NINJ2: variants seen among roughly 807,000 people sequenced by gnomAD.
The protein encoded by NINJ2 is ninjurin 2, also known as ninjurin-2.
In NINJ2, 12 loss-of-function variants were observed where a neutral mutation model predicts 11.7. The observed-to-expected ratio is 1.02, with a 90% CI of 0.66 to 1.66. The LOEUF (loss-of-function observed/expected upper bound fraction) is 1.66, where lower values mean the gene tolerates loss of function less well. Ranked by LOEUF, NINJ2 falls within the 40% of genes most tolerant of loss-of-function variation. The probability of loss-of-function intolerance (pLI) is 0.00; values close to 1 mark genes in which losing one functional copy is unlikely to be tolerated. For missense variants in NINJ2, 187 were observed against 181.8 expected (o/e 1.03, Z -0.16); for synonymous variants, 93 against 76.8 (o/e 1.21, Z -1.10).
At chr12:584,026 A>G (rs1947598297) in intron 1 of NINJ2, among the ~76,000 whole-genome samples, 1 of 151,600 alleles carries the variant, frequency 6.6e-6, no homozygotes, top group South Asian at 2.1e-4. Flanking sequence ...CTTTATCTGT[A>G]TTTTCTAATT....
In NINJ2 at chr12:640,851, GA is replaced by G. The variant is rs1157590174; in HGVS notation, c.33+22476del. 1 of 152,126 alleles carries G rather than the reference GA, an allele frequency of 6.6e-6. No homozygotes were observed. The highest frequency in any genetic ancestry group is 2.4e-5 in the African/African-American group (1 of 41,360). The allele number at this position is 152,126 out of a possible 1,614,324, so 9.4% of individuals were successfully genotyped here. ...TTGTGTTTACTCATACAGAAAAGGA[GA>G]ATCATACCCCCATTCCACCACCCCA... On this transcript the variant is annotated intron_variant, in intron 1 of 3. Transcript: ENST00000305108. This position sits in a 1 kb window ranked among gnomAD's most constrained non-coding sequence, Gnocchi z 4.0.
chr12:609,110 A>G (rs1445581695), intron 1 of NINJ2, among the ~76,000 whole-genome samples: 1 of 133,002 alleles, frequency 7.5e-6, no homozygotes, highest in African/African-American at 3.0e-5. Flanking sequence ...GCACGGCGCC[A>G]CGCGCTAGGT....
rs369192923 is a variant in NINJ2 at position 618,642 on chromosome 12, C to T, written c.33+44686G>A. Among the ~76,000 whole-genome samples the T allele has an allele frequency of 9.2e-5, 14 of 152,340 alleles. No homozygotes were observed. The South Asian group carries it at 1.7e-3, about 18-fold the overall frequency. On this transcript the variant is annotated intron_variant, in intron 1 of 3. Transcript: ENST00000305108. ...CACTGTGGCCCAGGGCCCTCTCAGT[C>T]ATGGCACCAGAGCCTCGGGCTCCAA...
intron 1 of NINJ2, among the ~76,000 whole-genome samples, chr12:620,717 C>A (rs914051065): frequency 2.6e-5 from 4 of 152,168 alleles, no homozygotes; most frequent in African/African-American, 9.7e-5. Flanking sequence ...GCAACCTCTG[C>A]CTCCTGGGTT....
rs1947530748 is a variant in NINJ2, at chr12:580,440, T to C, written c.34-14262A>G. ...CCATCTCTACTAAAAATACAAAAAT[T>C]AGCCAGATGTGGTGGTGCACGCCTA... On this transcript the variant is annotated intron_variant, in intron 1 of 3. Coordinates refer to ENST00000305108, the MANE Select transcript of NINJ2 (RefSeq NM_016533.6). This position sits in a 1 kb window ranked among gnomAD's most constrained non-coding sequence, Gnocchi z 4.7. Among the ~76,000 whole-genome samples the C allele has an allele frequency of 6.6e-6, 1 of 151,884 alleles. No homozygotes were observed. The highest frequency in any genetic ancestry group is 1.5e-5 in the Non-Finnish European group (1 of 67,966).
intron 1 of NINJ2, among the ~76,000 whole-genome samples, chr12:603,807 C>T (rs927396427): frequency 6.6e-5 from 10 of 151,902 alleles, no homozygotes; most frequent in South Asian, 4.2e-4. Flanking sequence ...ACTACAGGCA[C>T]GCACCATCAC....
At chr12:596,407 C>A (rs919928683) in intron 1 of NINJ2, among the ~76,000 whole-genome samples, 4 of 152,148 alleles carry the variant, frequency 2.6e-5, no homozygotes, top group African/African-American at 9.7e-5. Context: ...TCATTAGCTG[C>A]AACAAATGGA....
chr12:620,617 AGTTTGTTT>A (rs10660948), intron 1 of NINJ2, among the ~76,000 whole-genome samples: 19 of 151,280 alleles, frequency 1.3e-4, no homozygotes, highest in South Asian at 4.2e-4. Flanking sequence ...GTGGTTTTGA[AGTTTGTTT>A]GTTTGTTTGT....
intron 1 of NINJ2, among the ~76,000 whole-genome samples, chr12:660,884 C>T (rs552061330): frequency 1.4e-4 from 22 of 152,178 alleles, no homozygotes; most frequent in African/African-American, 5.1e-4. Context: ...TCACTTGAAC[C>T]CAGGAGGCGG....
rs142734463 is a variant in NINJ2 at position 564,803 on chromosome 12, G to A, written c.*19-122C>T. ...ATGCACGTGCCTGTAGCACGTGCTC[G>A]AGCAGAGCCTGAGATTCTGCATTTC... On this transcript the variant is annotated intron_variant, in intron 3 of 3. Transcript: ENST00000305108. The A allele has an allele frequency of 7.2e-3, 1,119 of 154,772 alleles. 8 individuals are homozygous for A. The highest frequency in any genetic ancestry group is 9.7e-3 in the Non-Finnish European group (673 of 69,692). 9.6% of individuals were successfully genotyped at this position (154,772 alleles called of 1,614,324 possible). A position where few individuals can be genotyped will look rare whatever the true frequency, so the allele number is the denominator to read the frequency against.
intron 1 of NINJ2, among the ~76,000 whole-genome samples, chr12:654,002 C>T (rs1937834181): frequency 6.6e-6 from 1 of 152,094 alleles, no homozygotes; most frequent in African/African-American, 2.4e-5. Flanking sequence ...GTAAGACTAG[C>T]CTGGGCAATA....
intron 1 of NINJ2, chr12:590,598 A>G (rs1327812009): frequency 6.6e-6 from 1 of 152,336 alleles, no homozygotes; most frequent in Non-Finnish European, 1.5e-5. Flanking sequence ...GTGGGATTAC[A>G]GCAGTCCGCC....
intron 1 of NINJ2, among the ~76,000 whole-genome samples, chr12:612,920 G>A (rs1470458527): frequency 3.3e-5 from 5 of 152,296 alleles, no homozygotes; most frequent in East Asian, 3.9e-4. Context: ...TCGCCTGATC[G>A]GCTGATTGGT....
At chr12:603,825 T>C (rs112318884) in intron 1 of NINJ2, among the ~76,000 whole-genome samples, 3 of 152,086 alleles carry the variant, frequency 2.0e-5, no homozygotes, top group African/African-American at 7.2e-5. Flanking sequence ...CACACCTGGC[T>C]AATTTTTGTA....
intron 1 of NINJ2, chr12:643,899 A>G (rs1937632885): frequency 6.4e-6 from 1 of 155,384 alleles, no homozygotes; most frequent in Non-Finnish European, 1.5e-5. Context: ...TCCGGTTTTC[A>G]TAGCCCTTAT....
intron 1 of NINJ2, among the ~76,000 whole-genome samples, chr12:606,271 TTAAGA>T (rs1299487912): frequency 2.0e-5 from 3 of 151,894 alleles, no homozygotes; most frequent in Admixed American, 6.6e-5. Context: ...AAAATTCAAC[TTAAGA>T]TAGAGAAACG....
chr12:633,627 C>G lies in NINJ2; in HGVS notation c.33+29701G>C, dbSNP rs898927485. ...GGCCAGGAGTTCAAGACCAGCCTGGCCAACACGGCAAAATCCCGTCTCTAC... is the reference window on the plus strand; with the variant it reads ...GGCCAGGAGTTCAAGACCAGCCTGGGCAACACGGCAAAATCCCGTCTCTAC... On this transcript the variant is annotated intron_variant, in intron 1 of 3. Coordinates refer to ENST00000305108, the MANE Select transcript of NINJ2 (RefSeq NM_016533.6). This position sits in a 1 kb window ranked among gnomAD's most constrained non-coding sequence, Gnocchi z 4.3. Among the ~76,000 whole-genome samples the G allele has an allele frequency of 6.6e-6, 1 of 152,180 alleles. No individual in the cohort carries two copies. The highest frequency in any genetic ancestry group is 1.5e-5 in the Non-Finnish European group (1 of 68,040).
chr12:649,523 G>GTA (rs1937754204), intron 1 of NINJ2, among the ~76,000 whole-genome samples: 1 of 48,640 alleles, frequency 2.1e-5, no homozygotes, highest in Non-Finnish European at 4.4e-5. Context: ...ATGTGTGTGT[G>GTA]TATATGTGTA....
At chr12:658,717 T>TATGCTA (rs1555167949) in intron 1 of NINJ2, among the ~76,000 whole-genome samples, 2 of 136,150 alleles carry the variant, frequency 1.5e-5, no homozygotes, top group Admixed American at 1.5e-4. Flanking sequence ...TATGCTATGC[T>TATGCTA]ATGCTATGCT....
Sources: allele counts gnomAD v4.1 joint callset (sites outside exome capture counted in the v4.1 genomes callset), GRCh38; gene constraint gnomAD v4.1.1; non-coding constraint Gnocchi (gnomAD v3.1); transcripts MANE v1.5; gene names NCBI Gene and HGNC (gene_info 2026-07-23, HGNC 2026-07-21).